The following ASPH variants were observed in gnomAD, a reference collection of about 807,000 sequenced individuals.
ASPH encodes the protein aspartyl/asparaginyl beta-hydroxylase.
Under a neutral mutation model 118.4 loss-of-function variants are expected in ASPH, and 100 were observed. That is an observed-to-expected ratio of 0.84 (90% CI 0.72 to 1.00). The LOEUF (loss-of-function observed/expected upper bound fraction) is 1.00. ASPH is among the 50% of genes least tolerant of loss of function. The pLI is 0.00. For synonymous variants in ASPH, 315 were observed against 325.6 expected, an observed-to-expected ratio of 0.97 and a Z score of 0.35; for missense variants, 920 against 919.5, an observed-to-expected ratio of 1.00 and a Z score of -0.01.
chr8:61,663,771 A>T (rs1269136161), intron 3 of ASPH: 1 of 974,936 alleles, frequency 1.0e-6, no homozygotes, highest in Non-Finnish European at 1.2e-6. Flanking sequence ...ATTCTCTAGG[A>T]TTTCTTCTCT....
chr8:61,563,401 A>C (rs1028461912), intron 17 of ASPH, among the ~76,000 whole-genome samples: 14 of 152,212 alleles, frequency 9.2e-5, no homozygotes, highest in Non-Finnish European at 1.5e-4. Context: ...CTAGTCATGG[A>C]GCAAATGATA....
At chr8:61,607,078 AT>A in intron 14 of ASPH, 1 of 494,718 alleles carries the variant, frequency 2.0e-6, no homozygotes, top group African/African-American at 2.0e-5. Flanking sequence ...CATTTTGTTC[AT>A]AGTCTCTACC....
chr8:61,631,830 C>G (rs1855739868), intron 13 of ASPH: 1 of 152,248 alleles, frequency 6.6e-6, no homozygotes, highest in South Asian at 2.1e-4. Context: ...ATACCCTTGA[C>G]TGAAGACTGG....
chr8:61,525,022 A>G (rs1488594937), intron 22 of ASPH, among the ~76,000 whole-genome samples: 1 of 152,162 alleles, frequency 6.6e-6, no homozygotes, highest in Middle Eastern at 3.2e-3. Flanking sequence ...ACTTTTCTTT[A>G]TGGTTCTCTC....
At position 61,534,262 on chromosome 8, in the gene ASPH, T is replaced by C. The variant is rs1374188486; in HGVS notation, c.1765-8150A>G. ...ATGCCCAGCCCACTCATATTTTCTA[T>C]ATATCTCTAATAATTGAATTTTCTT... On this transcript the variant is annotated intron_variant, in intron 21 of 24. Coordinates refer to ENST00000379454, the MANE Select transcript of ASPH (RefSeq NM_004318.4). Among the ~76,000 whole-genome samples, 7 of 152,344 alleles carry C rather than the reference T, an allele frequency of 4.6e-5. 1 individual carries two copies. Among genetic ancestry groups the C allele is most frequent in the Non-Finnish European group, 2.9e-5 (2 of 68,032 alleles).
chr8:61,556,164 A>G lies in ASPH; in HGVS notation c.1438-142T>C, dbSNP rs147379290. ...TTATGATGTTACAGCTGAAAACACCATAGTACTTTGTCTCATGGCAATATC... is the reference window on the plus strand; with the variant it reads ...TTATGATGTTACAGCTGAAAACACCGTAGTACTTTGTCTCATGGCAATATC... On this transcript the variant is annotated intron_variant, in intron 18 of 24. Coordinates refer to ENST00000379454, the MANE Select transcript of ASPH (RefSeq NM_004318.4). 4,163 of 672,716 alleles carry G rather than the reference A, an allele frequency of 6.2e-3. 20 individuals are homozygous for G. Among genetic ancestry groups the G allele is most frequent in the Non-Finnish European group, 7.2e-3 (2,862 of 398,254 alleles). The allele number at this position is 672,716 out of a possible 1,614,324, so 41.7% of individuals were successfully genotyped here.
intron 2 of ASPH, chr8:61,682,550 C>A (rs1828644607): frequency 3.5e-6 from 5 of 1,409,796 alleles, no homozygotes; most frequent in Non-Finnish European, 5.0e-6. Context: ...AAAGTGTCCT[C>A]TTTTAAGATA....
chr8:61,689,934 TAAC>T, intron 1 of ASPH: 1 of 1,028,602 alleles, frequency 9.7e-7, no homozygotes, highest in Non-Finnish European at 1.2e-6. Context: ...GTGCACTCCC[TAAC>T]AACACCACAG....
At chr8:61,624,246 G>C (rs1419970942) in intron 13 of ASPH, 2 of 985,182 alleles carry the variant, frequency 2.0e-6, no homozygotes, top group Admixed American at 6.2e-5. Context: ...AAAAAAGGTG[G>C]AGCAGGCTGT....
chr8:61,611,520 C>T (rs1001145417), intron 14 of ASPH, among the ~76,000 whole-genome samples: 1 of 152,180 alleles, frequency 6.6e-6, no homozygotes, highest in Non-Finnish European at 1.5e-5. Flanking sequence ...AATCTACCTC[C>T]GGAAAGAGCA....
intron 19 of ASPH, 131 bp downstream of exon 19, chr8:61,555,793 C>A (rs1827659145): frequency 1.3e-6 from 1 of 757,294 alleles, no homozygotes; most frequent in Admixed American, 2.5e-5. Flanking sequence ...ATGTCATGGT[C>A]TGAGGGTGGA....
At chr8:61,662,084 G>GT (rs1817207753) in intron 3 of ASPH, among the ~76,000 whole-genome samples, 1 of 152,144 alleles carries the variant, frequency 6.6e-6, no homozygotes, top group South Asian at 2.1e-4. Context: ...TGATGATGAT[G>GT]TAAGTGCTTC....
At chr8:61,505,179 T>C (rs957417430) in intron 24 of ASPH, among the ~76,000 whole-genome samples, 2 of 152,126 alleles carry the variant, frequency 1.3e-5, no homozygotes, top group Non-Finnish European at 2.9e-5. Context: ...TCTTCCTTAT[T>C]TTCTCTTGCC....
intron 1 of ASPH, chr8:61,689,615 A>G (rs1831960302): frequency 1.1e-5 from 16 of 1,481,794 alleles, no homozygotes; most frequent in Admixed American, 1.9e-5. Flanking sequence ...CTGAAAATAA[A>G]GTGAAAAGCT....
At position 61,653,781 on chromosome 8, in the gene ASPH, A is replaced by C. The variant is rs1812278963; in HGVS notation, c.323-121T>G. ...AGTGCTGCTAATTAATAGTTTCTAAAATTGTATGCTTAAAAAGTGAGGTAG... is the reference window on the plus strand; with the variant it reads ...AGTGCTGCTAATTAATAGTTTCTAACATTGTATGCTTAAAAAGTGAGGTAG... On this transcript the variant is annotated intron_variant, in intron 3 of 24. Transcript: ENST00000379454. The C allele has an allele frequency of 4.0e-6, 4 of 1,009,596 alleles. No homozygotes were observed. The East Asian group carries it at 1.1e-4, about 27-fold the overall frequency. The allele number at this position is 1,009,596 out of a possible 1,614,324, so 62.5% of individuals were successfully genotyped here.
chr8:61,681,105 T>G lies in ASPH; in HGVS notation c.254-69A>C, dbSNP rs62505969. On this transcript the variant is annotated intron_variant, in intron 2 of 24. Coordinates refer to ENST00000379454, the MANE Select transcript of ASPH (RefSeq NM_004318.4). ...AGAAATTTAATAAGGTATTATAACT[T>G]AGTGAAGTCATGCAACTCAGTCATA... 168,399 of 1,268,464 alleles carry G rather than the reference T, an allele frequency of 0.13. 11,955 individuals carry two copies. Among genetic ancestry groups the G allele is most frequent in the African/African-American group, 0.18 (12,002 of 65,402 alleles). 78.6% of individuals were successfully genotyped at this position (1,268,464 alleles called of 1,614,324 possible).
intron 13 of ASPH, chr8:61,624,266 A>G: frequency 2.0e-6 from 2 of 985,432 alleles, no homozygotes; most frequent in Non-Finnish European, 2.4e-6. Context: ...TCCAGGGAAT[A>G]ATCAAAACTT....
chr8:61,558,316 G>C (rs1239902788), intron 18 of ASPH, among the ~76,000 whole-genome samples: 1 of 152,158 alleles, frequency 6.6e-6, no homozygotes, highest in Non-Finnish European at 1.5e-5. Context: ...GGAGGAAAAG[G>C]CATTCAAGGT....
chr8:61,697,089 T>G (rs1458568265), intron 1 of ASPH, among the ~76,000 whole-genome samples: 1 of 152,088 alleles, frequency 6.6e-6, no homozygotes, highest in Non-Finnish European at 1.5e-5. Context: ...GCCCTACAGA[T>G]GCAAATGGGG....
Sources: allele counts gnomAD v4.1 joint callset (sites outside exome capture counted in the v4.1 genomes callset), GRCh38; gene constraint gnomAD v4.1.1; transcripts MANE v1.5; gene names NCBI Gene and HGNC (gene_info 2026-07-23, HGNC 2026-07-21).